The following SGCD variants were observed in gnomAD, a reference collection of about 807,000 sequenced individuals.
SGCD encodes sarcoglycan delta.
SGCD carries 18 observed loss-of-function variants against 36.6 expected under a neutral mutation model. That is an observed-to-expected ratio of 0.49 (90% CI 0.34 to 0.73). The LOEUF (loss-of-function observed/expected upper bound fraction) is 0.73. Among genes scored for constraint, SGCD ranks in the 30% least tolerant of loss-of-function variants. The pLI, the probability that SGCD is intolerant of heterozygous loss-of-function variation, is 0.01. For missense variants in SGCD, 387 were observed against 346.7 expected (o/e 1.12, Z -0.92); for synonymous variants, 133 against 130.6 (o/e 1.02, Z -0.12).
At chr5:156,531,890 C>G (rs184736854) in intron 4 of SGCD, among the ~76,000 whole-genome samples, 1 of 152,028 alleles carries the variant, frequency 6.6e-6, no homozygotes, top group African/African-American at 2.4e-5. Flanking sequence ...GGGCAGATCA[C>G]CTGAGGTTAA....
rs144300269 is a variant in SGCD, at chr5:156,083,845, C to T, written c.-281-34033C>T. Among the ~76,000 whole-genome samples the T allele has an allele frequency of 2.4e-4, 37 of 151,624 alleles. No homozygotes were observed. The East Asian group carries it at 4.6e-3, about 19-fold the overall frequency. Reference sequence around the variant, plus strand: ...TTTCTTTTTTTGCCTGTCAATGTCCCGTTGCTCCAGTAACATTTGTTGAAT... The same window carrying T: ...TTTCTTTTTTTGCCTGTCAATGTCCTGTTGCTCCAGTAACATTTGTTGAAT... On this transcript the variant is annotated intron_variant, in intron 1 of 9. Transcript: ENST00000517913.
At chr5:156,360,772 C>T (rs1769746930) in intron 3 of SGCD, among the ~76,000 whole-genome samples, 1 of 152,116 alleles carries the variant, frequency 6.6e-6, no homozygotes, top group South Asian at 2.1e-4. Flanking sequence ...TTCCCATCCC[C>T]TCTCCAGCTC....
At chr5:155,765,981 T>C in the SGCD span, among the ~76,000 whole-genome samples, 1 of 152,186 alleles carries the variant, frequency 6.6e-6, no homozygotes, top group East Asian at 1.9e-4. Context: ...TAGAGCCAGA[T>C]ACAGAACTTG....
At chr5:156,615,536 C>G (rs1761986812) in intron 6 of SGCD, among the ~76,000 whole-genome samples, 1 of 152,046 alleles carries the variant, frequency 6.6e-6, no homozygotes, top group African/African-American at 2.4e-5. Flanking sequence ...TTTGATGAAA[C>G]TCTACTGCAA....
chr5:156,419,163 C>A (rs533833394), intron 3 of SGCD, among the ~76,000 whole-genome samples: 23 of 152,182 alleles, frequency 1.5e-4, no homozygotes, highest in East Asian at 1.4e-3. Flanking sequence ...ATATATGCAT[C>A]TTGAGTATTT....
At chr5:155,849,439 T>G in the SGCD span, among the ~76,000 whole-genome samples, 12 of 143,382 alleles carry the variant, frequency 8.4e-5, no homozygotes, top group East Asian at 8.2e-4. Flanking sequence ...CACACACATG[T>G]GCGCGCGCAC....
intron 3 of SGCD, among the ~76,000 whole-genome samples, chr5:156,275,755 T>C (rs1347925217): frequency 6.6e-6 from 1 of 152,188 alleles, no homozygotes; most frequent in Non-Finnish European, 1.5e-5. Context: ...TACTCTTACT[T>C]ATGTTGCATC....
At chr5:155,782,752 T>C in the SGCD span, among the ~76,000 whole-genome samples, 2,063 of 152,254 alleles carry the variant, frequency 0.014, 42 homozygotes, top group African/African-American at 0.046. Flanking sequence ...TACAGGAGCA[T>C]GAACCCTATT....
chr5:156,522,628 A>G (rs1331077217), intron 4 of SGCD, among the ~76,000 whole-genome samples: 7 of 152,008 alleles, frequency 4.6e-5, no homozygotes, highest in African/African-American at 1.7e-4. Context: ...CAGTTAATGC[A>G]TGCTGGGCTT....
chr5:156,140,901 T>C (rs1196209874), intron 3 of SGCD, among the ~76,000 whole-genome samples: 1 of 152,192 alleles, frequency 6.6e-6, no homozygotes, highest in African/African-American at 2.4e-5. Flanking sequence ...TCTTTGAGGC[T>C]GCCACTTCCA....
At chr5:156,344,459 A>T in intron 2 of SGCD, 30 bp from the exon 3 acceptor site, 1 of 1,466,158 alleles carries the variant, frequency 6.8e-7, no homozygotes, top group Non-Finnish European at 9.1e-7. Context: ...GTTTAATGTG[A>T]GTGCTTCTCT....
At chr5:156,486,777 G>GGGGACT (rs1225589372) in intron 3 of SGCD, among the ~76,000 whole-genome samples, 1 of 151,998 alleles carries the variant, frequency 6.6e-6, no homozygotes, top group East Asian at 1.9e-4. Context: ...TGAAGGATCT[G>GGGGACT]GGGACTGGCC....
chr5:155,837,185 A>G, the SGCD span, among the ~76,000 whole-genome samples: 334 of 152,034 alleles, frequency 2.2e-3, no homozygotes, highest in African/African-American at 7.7e-3. Context: ...TGAGACAGAG[A>G]CTCACTGGGT....
At chr5:156,557,939 G>A (rs1281354379) in intron 4 of SGCD, among the ~76,000 whole-genome samples, 1 of 151,390 alleles carries the variant, frequency 6.6e-6, no homozygotes, top group Non-Finnish European at 1.5e-5. Context: ...TTGGAGAGTT[G>A]TCCATCAAAA....
intron 3 of SGCD, among the ~76,000 whole-genome samples, chr5:156,298,682 C>T (rs1159054553): frequency 6.7e-6 from 1 of 150,072 alleles, no homozygotes; most frequent in Non-Finnish European, 1.5e-5. Flanking sequence ...CCACCCACCT[C>T]AGCCTCCCAC....
At chr5:156,614,050 G>A (rs552228093) in intron 6 of SGCD, among the ~76,000 whole-genome samples, 32 of 152,042 alleles carry the variant, frequency 2.1e-4, no homozygotes, top group Admixed American at 1.0e-3. Context: ...AGATTCAAGC[G>A]ATTCTTGTGC....
chr5:155,827,312 C>A, the SGCD span, among the ~76,000 whole-genome samples: 1 of 152,106 alleles, frequency 6.6e-6, no homozygotes, highest in African/African-American at 2.4e-5. Flanking sequence ...TGTATGGCAG[C>A]CCTGGTGCAT....
At chr5:155,883,225 C>G (rs1755928093) in intron 1 of SGCD, among the ~76,000 whole-genome samples, 1 of 152,166 alleles carries the variant, frequency 6.6e-6, no homozygotes. Flanking sequence ...TCCATATCAA[C>G]AGTAAGACTT....
the SGCD span, among the ~76,000 whole-genome samples, chr5:155,808,952 A>G: frequency 6.6e-6 from 1 of 152,244 alleles, no homozygotes; most frequent in African/African-American, 2.4e-5. Context: ...GCTTCTTTAT[A>G]TAGTAGATTA....
Sources: gnomAD v4.1 joint callset for allele counts (sites outside exome capture counted in the v4.1 genomes callset) on GRCh38, gnomAD v4.1.1 for gene constraint, MANE v1.5 for transcripts, NCBI Gene and HGNC (gene_info 2026-07-23, HGNC 2026-07-21) for gene names.